Variants in AMMECR1 observed in about 807,000 individuals in gnomAD.
AMMECR1 encodes AMMECR nuclear protein 1.
AMMECR1 carries 3 observed loss-of-function variants against 22.5 expected under a neutral mutation model. The ratio of observed to expected loss-of-function variants is 0.13; its 90% CI spans 0.06 to 0.35. The LOEUF is 0.35. AMMECR1 is among the 10% of genes least tolerant of loss of function. AMMECR1 has a pLI of 1.00. For missense variants in AMMECR1, 235 were observed against 278.7 expected (o/e 0.84, Z 1.12); for synonymous variants, 130 against 116.7 (o/e 1.11, Z -0.74).
chrX:110,388,116 C>T (rs1432775502), intron 2 of AMMECR1, among the ~76,000 whole-genome samples: 2 of 111,371 alleles, frequency 1.8e-5, no homozygotes, highest in Non-Finnish European at 3.8e-5. Context: ...ATCTGCCCGC[C>T]TCAGCCTCCC....
chrX:110,385,501 G>C (rs186786560), intron 2 of AMMECR1, among the ~76,000 whole-genome samples: 1 of 111,198 alleles, frequency 9.0e-6, no homozygotes, highest in Non-Finnish European at 1.9e-5. Context: ...ACTGGTAGCC[G>C]TTTCCATCCC....
At chrX:110,198,811 G>A (rs1304203106) in intron 5 of AMMECR1, among the ~76,000 whole-genome samples, 177 bp from the exon 6 acceptor site, 1 of 111,426 alleles carries the variant, frequency 9.0e-6, no homozygotes, top group Admixed American at 9.4e-5. Flanking sequence ...ATCAGAACTT[G>A]GAAATCAAAA....
intron 2 of AMMECR1, among the ~76,000 whole-genome samples, chrX:110,342,082 AT>A (rs1434093927): frequency 2.7e-5 from 3 of 111,326 alleles, no homozygotes; most frequent in Non-Finnish European, 5.7e-5. Context: ...AGAAAAAAAA[AT>A]AAAAGCTAAA....
intron 2 of AMMECR1, among the ~76,000 whole-genome samples, chrX:110,369,553 C>G (rs1043015712): frequency 2.7e-5 from 3 of 110,670 alleles, no homozygotes; most frequent in Admixed American, 9.6e-5. Context: ...TTTTTAGAAA[C>G]AGAAGTTAGA....
At chrX:110,350,677 C>T (rs749368667) in intron 2 of AMMECR1, among the ~76,000 whole-genome samples, 7 of 111,466 alleles carry the variant, frequency 6.3e-5, no homozygotes, top group Non-Finnish European at 7.5e-5. Flanking sequence ...ATTAAGAAAA[C>T]GATTCCAGGC....
intron 2 of AMMECR1, chrX:110,225,130 T>C: frequency 2.8e-6 from 1 of 353,696 alleles, no homozygotes; most frequent in South Asian, 2.6e-5. Flanking sequence ...AATATGTATA[T>C]TTATAAAGTA....
At chrX:110,339,585 C>A (rs767634323) in intron 2 of AMMECR1, among the ~76,000 whole-genome samples, 1 of 110,861 alleles carries the variant, frequency 9.0e-6, no homozygotes, top group South Asian at 3.8e-4. Flanking sequence ...CAACATCCGC[C>A]TCCTGGGTTC....
chrX:110,332,386 T>A (rs1341666741), intron 2 of AMMECR1, among the ~76,000 whole-genome samples: 1 of 111,441 alleles, frequency 9.0e-6, no homozygotes, highest in Non-Finnish European at 1.9e-5. Context: ...TGCCATACAA[T>A]ACATAGTACA....
intron 2 of AMMECR1, among the ~76,000 whole-genome samples, chrX:110,330,187 C>G (rs2068115212): frequency 8.9e-6 from 1 of 112,054 alleles, no homozygotes; most frequent in South Asian, 3.7e-4. Context: ...TCCTCCCACT[C>G]CAACCTCTTC....
intron 2 of AMMECR1, among the ~76,000 whole-genome samples, chrX:110,236,674 G>A (rs1329725331): frequency 8.9e-6 from 1 of 112,172 alleles, no homozygotes; most frequent in Non-Finnish European, 1.9e-5. Context: ...AAGGAATATA[G>A]GAAGGTAGTT....
At chrX:110,260,591 T>C (rs2067735430) in intron 2 of AMMECR1, among the ~76,000 whole-genome samples, 1 of 111,360 alleles carries the variant, frequency 9.0e-6, no homozygotes, top group African/African-American at 3.3e-5. Flanking sequence ...TAATTCAGGA[T>C]AGGCATTTCA....
At chrX:110,412,274 G>C (rs1306520060) in intron 2 of AMMECR1, among the ~76,000 whole-genome samples, 1 of 112,376 alleles carries the variant, frequency 8.9e-6, no homozygotes, top group African/African-American at 3.2e-5. Context: ...CCTGTCTTAG[G>C]AGTTTACCTT....
intron 2 of AMMECR1, among the ~76,000 whole-genome samples, chrX:110,250,661 CTG>C (rs990128729): frequency 4.5e-5 from 5 of 111,942 alleles, no homozygotes; most frequent in African/African-American, 1.6e-4. Flanking sequence ...TATGTGGTAA[CTG>C]AAGTTATGGG....
chrX:110,292,648 ACT>A (rs992651620), intron 1 of AMMECR1, among the ~76,000 whole-genome samples: 3 of 112,503 alleles, frequency 2.7e-5, no homozygotes, highest in African/African-American at 9.7e-5. Flanking sequence ...ACGATGTGAC[ACT>A]CTGAAAAAGG....
intron 4 of AMMECR1, 101 bp from the exon 5 acceptor site, chrX:110,201,151 C>A: frequency 2.2e-6 from 1 of 447,593 alleles, no homozygotes; most frequent in Admixed American, 3.8e-5. Context: ...TCACTGTCAC[C>A]AAATGCCATC....
chrX:110,397,017 C>T (rs1431663500), intron 2 of AMMECR1, among the ~76,000 whole-genome samples: 3 of 111,877 alleles, frequency 2.7e-5, no homozygotes, highest in Non-Finnish European at 5.6e-5. Flanking sequence ...ACTCCGGAGC[C>T]CACATTTCTC....
At chrX:110,252,196 G>T (rs1451525525) in intron 2 of AMMECR1, among the ~76,000 whole-genome samples, 1 of 111,011 alleles carries the variant, frequency 9.0e-6, no homozygotes, top group African/African-American at 3.3e-5. Context: ...AGAATTGAGG[G>T]ATTCACAACT....
chrX:110,344,294 T>C (rs2068178463), intron 2 of AMMECR1, among the ~76,000 whole-genome samples: 1 of 112,265 alleles, frequency 8.9e-6, no homozygotes, highest in African/African-American at 3.2e-5. Context: ...TAGCCATATG[T>C]AGAAAGCTGA....
chrX:110,346,665 A>T (rs1263257990), intron 2 of AMMECR1: 2 of 589,639 alleles, frequency 3.4e-6, no homozygotes, highest in Non-Finnish European at 6.1e-6. Flanking sequence ...ACTGGATCAT[A>T]AGAAGTGGTT....
Sources: gnomAD v4.1 joint callset for allele counts (sites outside exome capture counted in the v4.1 genomes callset) on GRCh38, gnomAD v4.1.1 for gene constraint, MANE v1.5 for transcripts, NCBI Gene and HGNC (gene_info 2026-07-23, HGNC 2026-07-21) for gene names.